Variants in SGK2 observed in about 807,000 individuals in gnomAD.
SGK2 encodes serine/threonine-protein kinase Sgk2.
Under a neutral mutation model 47.5 loss-of-function variants are expected in SGK2, and 36 were observed. The observed-to-expected ratio is 0.76, with a 90% confidence interval of 0.58 to 1.00. The LOEUF (loss-of-function observed/expected upper bound fraction) is 1.00. Ranked by LOEUF, SGK2 falls within the 50% of genes least tolerant of loss-of-function variation. The pLI, the probability that SGK2 is intolerant of heterozygous loss-of-function variation, is 0.00. For missense variants in SGK2, 404 were observed against 467.4 expected (o/e 0.86, Z 1.25); for synonymous variants, 157 against 181.9 (o/e 0.86, Z 1.10).
chr20:43,559,449 C>A (rs1477859735), intron 1 of SGK2, among the ~76,000 whole-genome samples: 1 of 152,154 alleles, frequency 6.6e-6, no homozygotes, highest in Non-Finnish European at 1.5e-5. Context: ...TCCTGAAATT[C>A]CAGGCCGTGG....
At chr20:43,569,157 C>A (rs1054506824) in intron 5 of SGK2, among the ~76,000 whole-genome samples, 4 of 152,084 alleles carry the variant, frequency 2.6e-5, no homozygotes, top group African/African-American at 9.7e-5. Flanking sequence ...AGAGCTGTGC[C>A]CACATGAACT....
At chr20:43,584,723 A>G (rs1455496220) in intron 12 of SGK2, 129 bp from the exon 13 acceptor site, 1 of 702,120 alleles carries the variant, frequency 1.4e-6, no homozygotes, top group African/African-American at 1.8e-5. Flanking sequence ...CAGGAAAGTG[A>G]CAGTCAAGTA....
intron 1 of SGK2, 182 bp from the exon 2 acceptor site, chr20:43,566,291 G>A: frequency 6.4e-7 from 1 of 1,566,270 alleles, no homozygotes; most frequent in African/African-American, 1.3e-5. Flanking sequence ...TCTGGGTCCA[G>A]GGGATATCAT....
intron 3 of SGK2, 63 bp from the exon 4 acceptor site, chr20:43,567,602 T>C: frequency 2.0e-6 from 3 of 1,492,782 alleles, no homozygotes; most frequent in Non-Finnish European, 2.8e-6. Context: ...CCCAGGTTTG[T>C]TCTCAGGCAC....
At chr20:43,560,498 C>CAA (rs5841509) in intron 1 of SGK2, among the ~76,000 whole-genome samples, 4 of 117,906 alleles carry the variant, frequency 3.4e-5, no homozygotes, top group Non-Finnish European at 3.8e-5. Context: ...GACTCCATCT[C>CAA]AAAAAAAAAA....
intron 12 of SGK2, among the ~76,000 whole-genome samples, chr20:43,581,620 T>A (rs1980802687): frequency 6.6e-6 from 1 of 152,206 alleles, no homozygotes; most frequent in Non-Finnish European, 1.5e-5. Flanking sequence ...TGGCACGATC[T>A]CAGGTTCAAG....
In SGK2 at chr20:43,567,904, G is replaced by GT. The variant is rs1979835890; in HGVS notation, c.145-9dup. 6.2e-7 allele frequency: 1 copy of GT among 1,613,486 alleles called. No homozygotes were observed. The highest frequency in any genetic ancestry group is 1.7e-5 in the Admixed American group (1 of 59,996). On this transcript the variant is annotated splice_polypyrimidine_tract_variant and intron_variant, in intron 4 of 12. Coordinates refer to ENST00000373100, the MANE Select transcript of SGK2 (RefSeq NM_170693.3). ...GTCACCTACAGGGCCTCAAATTCAT[G>GT]TTTCTTCTCAGGTCCTACTGGCCAA... is the stretch of plus-strand genomic sequence containing the variant.
In SGK2 at chr20:43,566,493, A is replaced by C; in HGVS notation, c.-3A>C. 6.2e-7 allele frequency: 1 copy of C among 1,614,130 alleles called. No homozygotes were observed. Among genetic ancestry groups the C allele is most frequent in the Non-Finnish European group, 8.5e-7 (1 of 1,180,008 alleles). On this transcript the variant is annotated 5_prime_UTR_variant, in exon 2 of 13. Transcript: ENST00000373100. ...CCCAGAGCTGCCTGATCATTGCTAC[A>C]GAATGAACTCTAGCCCAGCTGGGAC...
Position 43,570,637 on chromosome 20 carries a change from G to C in SGK2, c.381G>C (p.Arg127=), listed in dbSNP as rs770370453. ...TCCAGCTCTTCTTCCACCTGCAGCG[G>C]GAGCGCCGGTTCCTGGAGCCCCGGG... ...NGGELFFHLQ[R]ERRFLEPRAR... Residue 127 remains arginine, a synonymous_variant, in exon 7 of 13, where the codon CGG becomes CGC. Coordinates refer to ENST00000373100, the MANE Select transcript of SGK2 (RefSeq NM_170693.3). 8.7e-6 allele frequency: 14 copies of C among 1,609,880 alleles called. No homozygotes were observed. The highest frequency in any genetic ancestry group is 3.4e-5 in the Admixed American group (2 of 59,624).
chr20:43,564,906 G>A (rs530054815), intron 1 of SGK2: 1 of 152,940 alleles, frequency 6.5e-6, no homozygotes, highest in Admixed American at 6.5e-5. Flanking sequence ...GACACACACG[G>A]AAGCACTCTA....
rs373880106 is a variant in SGK2, at chr20:43,579,949, C to A, written c.850-23C>A. ...TGGGGAGGGCTACTTCTAACCAGAA[C>A]CTTTTTTCTGCACTTCCTGCAGCTT... On this transcript the variant is annotated intron_variant, in intron 11 of 12. Coordinates refer to ENST00000373100, the MANE Select transcript of SGK2 (RefSeq NM_170693.3). 48 of 1,565,752 alleles carry A rather than the reference C, an allele frequency of 3.1e-5. 1 individual carries two copies. In the Middle Eastern group the frequency reaches 1.8e-3, roughly 60 times the overall value.
At chr20:43,581,726 A>G (rs1220783131) in intron 12 of SGK2, among the ~76,000 whole-genome samples, 3 of 152,032 alleles carry the variant, frequency 2.0e-5, no homozygotes, top group Non-Finnish European at 4.4e-5. Flanking sequence ...ACGGGGTTTC[A>G]CCATATTGGC....
chr20:43,567,791 A>T (rs1979828483), intron 4 of SGK2, 69 bp downstream of exon 4: 1 of 1,569,404 alleles, frequency 6.4e-7, no homozygotes, highest in African/African-American at 1.4e-5. Context: ...CCCTGCTGCC[A>T]CTTGTATGTA....
intron 6 of SGK2, 194 bp downstream of exon 6, chr20:43,569,710 C>A: frequency 1.7e-6 from 1 of 593,814 alleles, no homozygotes; most frequent in Non-Finnish European, 2.9e-6. Flanking sequence ...CTGGTAGAGT[C>A]AGGACTTGAA....
chr20:43,568,780 A>AT (rs1280083996), intron 5 of SGK2, among the ~76,000 whole-genome samples: 1 of 152,154 alleles, frequency 6.6e-6, no homozygotes, highest in African/African-American at 2.4e-5. Flanking sequence ...CCCATCATGG[A>AT]TTTCTTGATG....
At chr20:43,567,537 A>G in intron 3 of SGK2, 128 bp from the exon 4 acceptor site, 1 of 797,622 alleles carries the variant, frequency 1.3e-6, no homozygotes, top group Non-Finnish European at 2.1e-6. Context: ...GGGGGTGAGG[A>G]GGCATGGCTC....
chr20:43,570,847 G>T, intron 7 of SGK2, 118 bp downstream of exon 7: 1 of 1,251,798 alleles, frequency 8.0e-7, no homozygotes, highest in Non-Finnish European at 1.1e-6. Flanking sequence ...TGTTTTGGGT[G>T]GGGTTGGAGT....
At chr20:43,580,777 A>G (rs1434823599) in intron 12 of SGK2, among the ~76,000 whole-genome samples, 1 of 151,774 alleles carries the variant, frequency 6.6e-6, no homozygotes, top group Non-Finnish European at 1.5e-5. Flanking sequence ...GAAAAGTTTA[A>G]AGTAGCAGTG....
At chr20:43,567,767 C>A in intron 4 of SGK2, 45 bp downstream of exon 4, 1 of 1,590,094 alleles carries the variant, frequency 6.3e-7, no homozygotes, top group Non-Finnish European at 8.6e-7. Flanking sequence ...TTCCCTTCTG[C>A]AGCCTCTTCC....
Sources: allele counts gnomAD v4.1 joint callset (sites outside exome capture counted in the v4.1 genomes callset), GRCh38; gene constraint gnomAD v4.1.1; transcripts MANE v1.5; gene names NCBI Gene and HGNC (gene_info 2026-07-23, HGNC 2026-07-21).